CTNND2: variants seen among roughly 807,000 people sequenced by gnomAD.
CTNND2 encodes catenin delta-2.
A neutral mutation model predicts 144.4 loss-of-function variants in CTNND2; 22 were observed. The ratio of observed to expected loss-of-function variants is 0.15; its 90% CI spans 0.11 to 0.22. CTNND2 has a LOEUF of 0.22. Among genes scored for constraint, CTNND2 ranks in the 10% least tolerant of loss-of-function variants. The pLI, the probability that CTNND2 is intolerant of heterozygous loss-of-function variation, is 1.00. For missense variants in CTNND2, 1,353 were observed against 1,618.8 expected, an observed-to-expected ratio of 0.84 and a Z score of 2.82; for synonymous variants, 751 against 695.6, an observed-to-expected ratio of 1.08 and a Z score of -1.25.
intron 2 of CTNND2, among the ~76,000 whole-genome samples, chr5:11,727,518 G>A (rs1459927726): frequency 6.6e-6 from 1 of 151,972 alleles, no homozygotes; most frequent in Non-Finnish European, 1.5e-5. Flanking sequence ...GGAAATGCAT[G>A]CTTTTTTTTT....
intron 1 of CTNND2, among the ~76,000 whole-genome samples, chr5:11,806,603 C>T (rs1792014398): frequency 6.6e-6 from 1 of 152,044 alleles, no homozygotes; most frequent in Admixed American, 6.6e-5. Flanking sequence ...AGATCTAAAA[C>T]ATAATATGGG....
At chr5:11,089,956 C>A (rs1750591782) in intron 15 of CTNND2, among the ~76,000 whole-genome samples, 1 of 152,158 alleles carries the variant, frequency 6.6e-6, no homozygotes, top group African/African-American at 2.4e-5. Context: ...TTGCAGTGAG[C>A]CAAGATCCCA....
At chr5:11,110,402 T>A (rs972125543) in intron 14 of CTNND2, among the ~76,000 whole-genome samples, 1 of 152,336 alleles carries the variant, frequency 6.6e-6, no homozygotes, top group Middle Eastern at 3.4e-3. Context: ...AGTGTGAGAC[T>A]GAAAATCTAA....
At chr5:10,979,862 T>G (rs539428644) in intron 21 of CTNND2, among the ~76,000 whole-genome samples, 3 of 152,290 alleles carry the variant, frequency 2.0e-5, no homozygotes, top group Admixed American at 2.0e-4. Context: ...TGCAGAAAAC[T>G]GAAACTGGAC....
chr5:11,263,505 GTA>G (rs1184392358), intron 9 of CTNND2, among the ~76,000 whole-genome samples: 2 of 152,072 alleles, frequency 1.3e-5, no homozygotes, highest in South Asian at 2.1e-4. Context: ...GTGTGTGCAT[GTA>G]TGTGTGTGTG....
At chr5:11,221,907 A>C (rs1029711655) in intron 10 of CTNND2, among the ~76,000 whole-genome samples, 24 of 152,214 alleles carry the variant, frequency 1.6e-4, no homozygotes, top group African/African-American at 5.5e-4. Flanking sequence ...AATGACCAGA[A>C]TGCCAGATGA....
At chr5:11,224,058 G>T (rs1740069605) in intron 10 of CTNND2, among the ~76,000 whole-genome samples, 1 of 152,066 alleles carries the variant, frequency 6.6e-6, no homozygotes, top group Non-Finnish European at 1.5e-5. Flanking sequence ...TTCTTACTCG[G>T]CTTTTCCCCC....
chr5:11,730,843 A>C (rs945556425), intron 2 of CTNND2, among the ~76,000 whole-genome samples: 9 of 152,166 alleles, frequency 5.9e-5, no homozygotes, highest in African/African-American at 1.9e-4. Context: ...TTCTGCTTTA[A>C]ATTTTCTTAC....
At chr5:11,611,175 C>T (rs1233762109) in intron 2 of CTNND2, among the ~76,000 whole-genome samples, 1 of 152,140 alleles carries the variant, frequency 6.6e-6, no homozygotes, top group Non-Finnish European at 1.5e-5. Flanking sequence ...GGCACTTCTC[C>T]TTGCTGACAC....
At chr5:11,549,029 T>G (rs144208340) in intron 3 of CTNND2, among the ~76,000 whole-genome samples, 29 of 152,352 alleles carry the variant, frequency 1.9e-4, no homozygotes, top group African/African-American at 6.7e-4. Context: ...AGAGTTAATT[T>G]AAATTTAATT....
At chr5:11,879,379 A>ATATATATATGTG (rs1735859394) in intron 1 of CTNND2, among the ~76,000 whole-genome samples, 1 of 144,162 alleles carries the variant, frequency 6.9e-6, no homozygotes, top group Non-Finnish European at 1.5e-5. Flanking sequence ...ACACACAAAC[A>ATATATATATGTG]TATACATACA....
At chr5:11,856,866 T>C (rs1046248165) in intron 1 of CTNND2, among the ~76,000 whole-genome samples, 2 of 152,190 alleles carry the variant, frequency 1.3e-5, no homozygotes, top group African/African-American at 4.8e-5. Context: ...AATCACAGCA[T>C]TTTAGAGTGT....
chr5:11,128,769 T>TTTATATAA (rs1754975008), intron 12 of CTNND2, among the ~76,000 whole-genome samples: 2 of 32,174 alleles, frequency 6.2e-5, no homozygotes, highest in Non-Finnish European at 1.2e-4. Flanking sequence ...AATATATATA[T>TTTATATAA]TATATATAAA....
chr5:11,503,779 G>A (rs559666602), intron 3 of CTNND2, among the ~76,000 whole-genome samples: 2 of 152,198 alleles, frequency 1.3e-5, no homozygotes, highest in South Asian at 2.1e-4. Context: ...TATACATTAC[G>A]ATGTCTTGTA....
intron 21 of CTNND2, among the ~76,000 whole-genome samples, chr5:10,974,312 T>A (rs1038384745): frequency 6.6e-6 from 1 of 152,364 alleles, no homozygotes; most frequent in East Asian, 1.9e-4. Flanking sequence ...TGATGTGCAT[T>A]GCTCCACTGA....
chr5:11,624,726 G>T (rs192484356), intron 2 of CTNND2, among the ~76,000 whole-genome samples: 14 of 152,046 alleles, frequency 9.2e-5, no homozygotes, highest in African/African-American at 3.4e-4. Flanking sequence ...AAATGATTCT[G>T]CTCCTGTTAA....
At chr5:11,310,138 C>T (rs901672628) in intron 9 of CTNND2, among the ~76,000 whole-genome samples, 3 of 152,028 alleles carry the variant, frequency 2.0e-5, no homozygotes, top group Admixed American at 2.0e-4. Context: ...TATTATTTAA[C>T]AAGTATTTGG....
rs149193767 is a variant in CTNND2, at chr5:11,636,343, A to C, written c.175-71287T>G. 7.5e-3 allele frequency among the ~76,000 whole-genome samples: 1,140 copies of C among 152,324 alleles called. 12 individuals are homozygous for C. Among genetic ancestry groups the C allele is most frequent in the African/African-American group, 0.026 (1,095 of 41,568 alleles). On this transcript the variant is annotated intron_variant, in intron 2 of 21. Transcript: ENST00000304623. Reference sequence around the variant, plus strand: ...CTTCTCTTTCCTCTCATTCCAGAATAAAATATCTATTAAAGTAAGAAGTAA... The same window carrying C: ...CTTCTCTTTCCTCTCATTCCAGAATCAAATATCTATTAAAGTAAGAAGTAA...
Position 11,084,111 on chromosome 5 carries a change from G to C in CTNND2, c.2638-1265C>G, listed in dbSNP as rs542708053. Among the ~76,000 whole-genome samples the C allele has an allele frequency of 1.2e-4, 19 of 152,370 alleles. 1 individual carries two copies. The South Asian group carries it at 3.9e-3, about 32-fold the overall frequency. On this transcript the variant is annotated intron_variant, in intron 15 of 21. Transcript: ENST00000304623. Reference sequence around the variant, plus strand: ...CTAGGAAGCCTTGAGGGGGTAGGGAGCAGGTAAAGCTCACTAAAGCATCTC... The same window carrying C: ...CTAGGAAGCCTTGAGGGGGTAGGGACCAGGTAAAGCTCACTAAAGCATCTC...
Sources: allele counts gnomAD v4.1 joint callset (sites outside exome capture counted in the v4.1 genomes callset), GRCh38; gene constraint gnomAD v4.1.1; transcripts MANE v1.5; gene names NCBI Gene and HGNC (gene_info 2026-07-23, HGNC 2026-07-21).